The following CDH20 variants were observed in gnomAD, a reference collection of about 807,000 sequenced individuals.
CDH20 encodes cadherin 20.
A neutral mutation model predicts 74.2 loss-of-function variants in CDH20; 29 were observed. That is an observed-to-expected ratio of 0.39 (90% CI 0.29 to 0.53). The LOEUF is 0.53. Ranked by LOEUF, CDH20 falls within the 20% of genes least tolerant of loss-of-function variation. CDH20 has a pLI of 0.69. For synonymous variants in CDH20, 469 were observed against 405.4 expected, an observed-to-expected ratio of 1.16 and a Z score of -1.88; for missense variants, 988 against 1,048.3, an observed-to-expected ratio of 0.94 and a Z score of 0.79.
chr18:61,430,706 T>C (rs986473106), intron 1 of CDH20, among the ~76,000 whole-genome samples: 1 of 152,228 alleles, frequency 6.6e-6, no homozygotes, highest in Non-Finnish European at 1.5e-5. Flanking sequence ...ACTATATCAT[T>C]TATTTTATTG....
Position 61,496,900 on chromosome 18 carries a change from T to C in CDH20, c.247-2286T>C, listed in dbSNP as rs187355401. On this transcript the variant is annotated intron_variant, in intron 2 of 11. Coordinates refer to ENST00000262717, the MANE Select transcript of CDH20 (RefSeq NM_031891.4). The stretch of plus-strand genomic sequence containing the variant: ...ACCTATATGCATACGTATACATGTT[T>C]TTAATTTAAAACACCTTCTGAAATC... Among the ~76,000 whole-genome samples, 589 of 152,182 alleles carry C rather than the reference T, an allele frequency of 3.9e-3. 2 individuals carry two copies. Among genetic ancestry groups the C allele is most frequent in the African/African-American group, 0.013 (555 of 41,530 alleles).
At chr18:61,512,312 C>A (rs1164716235) in intron 6 of CDH20, among the ~76,000 whole-genome samples, 1 of 152,084 alleles carries the variant, frequency 6.6e-6, no homozygotes, top group Non-Finnish European at 1.5e-5. Context: ...GTACCATTTT[C>A]TAGTCTTCTG....
rs1174768191 is a variant in CDH20 at position 61,554,505 on chromosome 18, C to G, written c.2216C>G (p.Ala739Gly). ...TACGAGGCCGACATGGACCTGTGGGCACCGCCCTTCGACTCCCTCCAGACG... is the reference window on the plus strand; with the variant it reads ...TACGAGGCCGACATGGACCTGTGGGGACCGCCCTTCGACTCCCTCCAGACG... ...KLYEADMDLW[A>G]PPFDSLQTYM... Residue 739 changes from alanine (A) to glycine (G), a missense_variant, in exon 12 of 12, where the codon GCA (alanine) becomes GGA (glycine). Transcript: ENST00000262717. 1.9e-6 allele frequency: 3 copies of G among 1,612,776 alleles called. No homozygotes were observed. Among genetic ancestry groups the G allele is most frequent in the Non-Finnish European group, 2.5e-6 (3 of 1,179,730 alleles).
chr18:61,423,282 T>C (rs1912951731), intron 1 of CDH20, among the ~76,000 whole-genome samples: 1 of 152,168 alleles, frequency 6.6e-6, no homozygotes, highest in Admixed American at 6.5e-5. Flanking sequence ...GGTCTCTCTT[T>C]TCAGCTAGGG....
In CDH20 at chr18:61,490,750, T is replaced by G; in HGVS notation, c.197T>G (p.Phe66Cys). 6.2e-7 allele frequency: 1 copy of G among 1,614,110 alleles called. No individual in the cohort carries two copies. Among genetic ancestry groups the G allele is most frequent in the Non-Finnish European group, 8.5e-7 (1 of 1,180,022 alleles). ...AAGAGGAGCTGGGTTTGGAACCAGT[T>G]TTTCGTTCTGGAAGAGTACACTGGG... ...RTKRSWVWNQFFVLEEYTGTD... is the reference protein window; with the variant it reads ...RTKRSWVWNQCFVLEEYTGTD... The change falls in exon 2 of 12, where the codon TTT (phenylalanine) becomes TGT (cysteine). Residue 66 changes from phenylalanine to cysteine, a missense_variant. Around this residue, in one of 2 missense-constraint regions of CDH20, gnomAD observed 613 missense variants for 755.2 expected, o/e 0.81. Transcript: ENST00000262717.
At chr18:61,401,244 T>G (rs576849690) in intron 1 of CDH20, among the ~76,000 whole-genome samples, 2 of 152,226 alleles carry the variant, frequency 1.3e-5, no homozygotes, top group Non-Finnish European at 2.9e-5. Context: ...AGTTCCATCT[T>G]TTTTAAATTC....
intron 1 of CDH20, among the ~76,000 whole-genome samples, chr18:61,378,379 G>A (rs906929278): frequency 6.6e-6 from 1 of 152,158 alleles, no homozygotes; most frequent in African/African-American, 2.4e-5. Flanking sequence ...GTCCAAAGGT[G>A]GGAGAAGACT....
At position 61,445,306 on chromosome 18, in the gene CDH20, CA is replaced by C. The variant is rs543705965; in HGVS notation, c.-152-45088del. Among the ~76,000 whole-genome samples, 3 of 151,726 alleles carry C rather than the reference CA, an allele frequency of 2.0e-5. No homozygotes were observed. The South Asian group carries it at 6.2e-4, about 32-fold the overall frequency. Reference sequence around the variant, plus strand: ...AGGTAGGTTTTATCCTCCATTTACACAAAAAAAATCCACAAATCAGAGAAGT... The same window carrying C: ...AGGTAGGTTTTATCCTCCATTTACACAAAAAAATCCACAAATCAGAGAAGT... On this transcript the variant is annotated intron_variant, in intron 1 of 11. Transcript: ENST00000262717.
chr18:61,448,772 C>G (rs1440153012), intron 1 of CDH20, among the ~76,000 whole-genome samples: 1 of 152,188 alleles, frequency 6.6e-6, no homozygotes, highest in African/African-American at 2.4e-5. Context: ...GACTAAATCT[C>G]TCTCTGGAGG....
At chr18:61,527,934 T>C (rs182223256) in intron 6 of CDH20, 33 bp from the exon 7 acceptor site, 6 of 1,611,308 alleles carry the variant, frequency 3.7e-6, no homozygotes, top group Middle Eastern at 1.7e-4. Flanking sequence ...TGAACCTCAG[T>C]GGCGAATCAA....
intron 1 of CDH20, among the ~76,000 whole-genome samples, chr18:61,402,952 C>T (rs533706475): frequency 7.4e-4 from 112 of 152,216 alleles, no homozygotes; most frequent in Middle Eastern, 3.4e-3. Context: ...AAGTCCTAAC[C>T]CTTGTGAAAT....
At chr18:61,399,150 A>G (rs1477246718) in intron 1 of CDH20, among the ~76,000 whole-genome samples, 1 of 151,158 alleles carries the variant, frequency 6.6e-6, no homozygotes, top group East Asian at 1.9e-4. Flanking sequence ...TGCAGTGACC[A>G]ACCTCTCCGA....
intron 1 of CDH20, among the ~76,000 whole-genome samples, chr18:61,354,626 A>G (rs1486829249): frequency 1.4e-5 from 2 of 146,112 alleles, no homozygotes; most frequent in Non-Finnish European, 3.0e-5. Flanking sequence ...ATAAATAAAT[A>G]AAACCCCTAG....
At chr18:61,495,645 G>C (rs916781114) in intron 2 of CDH20, among the ~76,000 whole-genome samples, 2 of 152,158 alleles carry the variant, frequency 1.3e-5, no homozygotes, top group Admixed American at 1.3e-4. Flanking sequence ...TGCTTCCTCA[G>C]GGGTCTCAGG....
At chr18:61,388,708 C>T (rs901690087) in intron 1 of CDH20, among the ~76,000 whole-genome samples, 3 of 152,090 alleles carry the variant, frequency 2.0e-5, no homozygotes, top group African/African-American at 7.2e-5. Flanking sequence ...CGTGTGGATG[C>T]GAACAGTAAT....
rs781593697 is a variant in CDH20, at chr18:61,500,445, AG to A, written c.607del (p.Val203TrpfsTer20). 1.2e-6 allele frequency: 2 copies of A among 1,613,168 alleles called. No homozygotes were observed. Among genetic ancestry groups the A allele is most frequent in the African/African-American group, 2.7e-5 (2 of 74,940 alleles). ...TGACCCGACCTACGGCAACAGTGCCAGGGTGGTGTACAGCATTCTTCAGGGC... is the reference window on the plus strand; with the variant it reads ...TGACCCGACCTACGGCAACAGTGCCAGGTGGTGTACAGCATTCTTCAGGGC... ...ADDPTYGNSA[R>X]VVYSILQGQP... On this transcript the variant is annotated frameshift_variant, in exon 4 of 12. Transcript: ENST00000262717. LOFTEE classifies it high-confidence loss of function.
At position 61,555,660 on chromosome 18, in the gene CDH20, G is replaced by T; in HGVS notation, c.*965G>T. On this transcript the variant is annotated 3_prime_UTR_variant, in exon 12 of 12. Coordinates refer to ENST00000262717, the MANE Select transcript of CDH20 (RefSeq NM_031891.4). ...AAATCAGTATTATAGAGAATAAATGGATGTAAGAAAATTACATGTACAAGT... is the reference window on the plus strand; with the variant it reads ...AAATCAGTATTATAGAGAATAAATGTATGTAAGAAAATTACATGTACAAGT... 1 of 979,082 alleles carries T rather than the reference G, an allele frequency of 1.0e-6. No individual in the cohort carries two copies. The highest frequency in any genetic ancestry group is 1.2e-6 in the Non-Finnish European group (1 of 824,146). 60.6% of individuals were successfully genotyped at this position (979,082 alleles called of 1,614,324 possible).
At chr18:61,546,318 A>T (rs1913247369) in intron 10 of CDH20, among the ~76,000 whole-genome samples, 1 of 152,218 alleles carries the variant, frequency 6.6e-6, no homozygotes, top group African/African-American at 2.4e-5. Flanking sequence ...TTCTGCTGTA[A>T]AACTTGAGAT....
At chr18:61,385,470 A>G (rs1004921453) in intron 1 of CDH20, among the ~76,000 whole-genome samples, 2 of 152,202 alleles carry the variant, frequency 1.3e-5, no homozygotes, top group Non-Finnish European at 2.9e-5. Flanking sequence ...CACTACACTC[A>G]AAACATCAAA....
Sources: allele counts gnomAD v4.1 joint callset (sites outside exome capture counted in the v4.1 genomes callset), GRCh38; gene constraint gnomAD v4.1.1; regional missense constraint gnomAD v4.1.1; transcripts MANE v1.5; gene names NCBI Gene and HGNC (gene_info 2026-07-23, HGNC 2026-07-21).